The following SH3BP4 variants were observed in gnomAD, a reference collection of about 807,000 sequenced individuals.
The protein encoded by SH3BP4 is SH3 domain binding protein 4, also known as SH3 domain-binding protein 4.
In SH3BP4, 33 loss-of-function variants were observed where a neutral mutation model predicts 65.5. The observed-to-expected ratio is 0.50, with a 90% CI of 0.38 to 0.67. SH3BP4 has a LOEUF of 0.67. SH3BP4 is among the 30% of genes least tolerant of loss of function. SH3BP4 has a pLI of 0.00. For synonymous variants in SH3BP4, 552 were observed against 545.5 expected (o/e 1.01, Z -0.17); for missense variants, 1,134 against 1,261.4 (o/e 0.90, Z 1.53).
intron 2 of SH3BP4, among the ~76,000 whole-genome samples, chr2:234,996,262 T>A (rs1693916378): frequency 6.6e-6 from 1 of 152,198 alleles, no homozygotes; most frequent in African/African-American, 2.4e-5. Flanking sequence ...CACGTTGGAA[T>A]TTTAAAAGCC....
intron 4 of SH3BP4, among the ~76,000 whole-genome samples, chr2:235,051,259 T>C (rs1023875218): frequency 1.3e-5 from 2 of 150,764 alleles, no homozygotes; most frequent in African/African-American, 2.4e-5. Flanking sequence ...GTGGCAGTCA[T>C]GTGACTTGGC....
intron 1 of SH3BP4, among the ~76,000 whole-genome samples, chr2:234,980,422 T>G (rs1158501984): frequency 3.3e-5 from 5 of 152,218 alleles, no homozygotes; most frequent in Admixed American, 3.3e-4. Context: ...GCACCTGTTT[T>G]GGGACCACAG....
chr2:234,992,494 C>T (rs1693775782), intron 1 of SH3BP4, among the ~76,000 whole-genome samples: 1 of 152,126 alleles, frequency 6.6e-6, no homozygotes, highest in African/African-American at 2.4e-5. Flanking sequence ...GTCTGGAGCC[C>T]CTGGAGATGG....
rs1695131086 is a variant in SH3BP4, at chr2:235,030,051, C to T, written c.-132-4820C>T. Among the ~76,000 whole-genome samples, 1 of 152,174 alleles carries T rather than the reference C, an allele frequency of 6.6e-6. No homozygotes were observed. The highest frequency in any genetic ancestry group is 6.5e-5 in the Admixed American group (1 of 15,284). On this transcript the variant is annotated intron_variant, in intron 2 of 5. Transcript: ENST00000392011. This position sits in a 1 kb window ranked among gnomAD's most constrained non-coding sequence, Gnocchi z 4.1. The stretch of plus-strand genomic sequence containing the variant: ...AAGGGTTGAGATCGGCAATATGTAA[C>T]CCTGGAGGTACAGGTGGAGACTGAG...
At chr2:234,986,812 T>TA (rs113019360) in intron 1 of SH3BP4, among the ~76,000 whole-genome samples, 36,945 of 150,606 alleles carry the variant, frequency 0.25, 4,653 homozygotes, top group Admixed American at 0.33. Flanking sequence ...TGATTTTATT[T>TA]TTTTTTTTTT....
chr2:234,953,477 C>G (rs532348662), intron 1 of SH3BP4, among the ~76,000 whole-genome samples: 1 of 152,172 alleles, frequency 6.6e-6, no homozygotes, highest in Non-Finnish European at 1.5e-5. Flanking sequence ...AGTCCCCTTC[C>G]CAGTGGGCTG....
intron 2 of SH3BP4, among the ~76,000 whole-genome samples, chr2:235,002,351 T>C (rs1359106522): frequency 6.6e-6 from 1 of 152,224 alleles, no homozygotes; most frequent in Non-Finnish European, 1.5e-5. Flanking sequence ...CGTAATCTTC[T>C]GAAGGACAGG....
chr2:234,954,257 A>G (rs1437444218), intron 1 of SH3BP4, among the ~76,000 whole-genome samples: 1 of 152,116 alleles, frequency 6.6e-6, no homozygotes, highest in Admixed American at 6.5e-5. Flanking sequence ...CTGGGTACCA[A>G]AGGCCCAGGT....
intron 2 of SH3BP4, among the ~76,000 whole-genome samples, chr2:235,024,657 A>G (rs989133644): frequency 6.6e-6 from 1 of 152,144 alleles, no homozygotes; most frequent in African/African-American, 2.4e-5. Flanking sequence ...TGTAAGATGT[A>G]TGTGTGGGGC....
chr2:234,953,208 A>G (rs991108581), intron 1 of SH3BP4: 1 of 152,278 alleles, frequency 6.6e-6, no homozygotes, highest in African/African-American at 2.4e-5. Context: ...TTACAGAAAC[A>G]ATGTATGCTC....
At position 234,976,127 on chromosome 2, in the gene SH3BP4, C is replaced by T. The variant is rs1693160553; in HGVS notation, c.-206-19176C>T. On this transcript the variant is annotated intron_variant, in intron 1 of 5. Transcript: ENST00000392011. This position sits in a 1 kb window ranked among gnomAD's most constrained non-coding sequence, Gnocchi z 4.7. ...TGGTTGTATCTTCTAGGGACAGGGG[C>T]CCTGGCTTTCATCTAGTGACCCCTG... Among the ~76,000 whole-genome samples, 1 of 152,130 alleles carries T rather than the reference C, an allele frequency of 6.6e-6. No homozygotes were observed. Among genetic ancestry groups the T allele is most frequent in the Middle Eastern group, 3.2e-3 (1 of 316 alleles).
At chr2:235,049,225 C>G (rs1002193904) in intron 4 of SH3BP4, among the ~76,000 whole-genome samples, 3 of 152,160 alleles carry the variant, frequency 2.0e-5, no homozygotes, top group African/African-American at 7.2e-5. Context: ...GCTCTCCTTC[C>G]CAGGGGCCAG....
chr2:235,031,363 G>A (rs1695196544), intron 2 of SH3BP4, among the ~76,000 whole-genome samples: 1 of 152,190 alleles, frequency 6.6e-6, no homozygotes, highest in Admixed American at 6.5e-5. Flanking sequence ...ACACACTGGT[G>A]CATCTCCAGA....
rs1694996880 is a variant in SH3BP4 at position 235,026,221 on chromosome 2, C to T, written c.-132-8650C>T. 6.6e-6 allele frequency among the ~76,000 whole-genome samples: 1 copy of T among 152,148 alleles called. No homozygotes were observed. The highest frequency in any genetic ancestry group is 1.5e-5 in the Non-Finnish European group (1 of 68,016). ...AGGGATTCACACGCCCTCCCCTCCT[C>T]TTCCTGACCTGTCGGGGGATCCCCA... On this transcript the variant is annotated intron_variant, in intron 2 of 5. Coordinates refer to ENST00000392011, the MANE Select transcript of SH3BP4 (RefSeq NM_014521.3). The surrounding 1 kb of genome is among the most constrained non-coding windows in gnomAD (Gnocchi z 4.6).
chr2:235,006,313 G>A (rs1194072485), intron 2 of SH3BP4, among the ~76,000 whole-genome samples: 4 of 152,144 alleles, frequency 2.6e-5, no homozygotes, highest in South Asian at 2.1e-4. Context: ...ATCTCAGAGC[G>A]GCCACTTGCT....
intron 2 of SH3BP4, among the ~76,000 whole-genome samples, chr2:235,031,027 TG>T (rs1695177043): frequency 6.6e-6 from 1 of 152,100 alleles, no homozygotes; most frequent in African/African-American, 2.4e-5. Flanking sequence ...GCTGTCAGTC[TG>T]GGGATTTACA....
chr2:234,955,270 C>T (rs1392238436), intron 1 of SH3BP4, among the ~76,000 whole-genome samples: 5 of 152,130 alleles, frequency 3.3e-5, no homozygotes, highest in East Asian at 1.9e-4. Flanking sequence ...GGCCAAGCAA[C>T]GTTTACACTC....
rs968860897 is a variant in SH3BP4, at chr2:235,055,472, A to T, written c.*1656A>T. On this transcript the variant is annotated 3_prime_UTR_variant, in exon 6 of 6. Coordinates refer to ENST00000392011, the MANE Select transcript of SH3BP4 (RefSeq NM_014521.3). The stretch of plus-strand genomic sequence containing the variant: ...CGATTGTGCTTCTCAACTCCACCCC[A>T]TAATTTCTCCCAGAGACCATCTATC... The T allele has an allele frequency of 6.6e-6, 1 of 152,626 alleles. No individual in the cohort carries two copies. Among genetic ancestry groups the T allele is most frequent in the Non-Finnish European group, 1.5e-5 (1 of 68,034 alleles). The allele number at this position is 152,626 out of a possible 1,614,324, so 9.5% of individuals were successfully genotyped here.
chr2:235,042,364 C>T lies in SH3BP4; in HGVS notation c.1595C>T (p.Ser532Phe). The T allele has an allele frequency of 6.2e-7, 1 of 1,614,170 alleles. No homozygotes were observed. The change falls in exon 4 of 6, where the codon TCC becomes TTC. Residue 532 changes from serine to phenylalanine, a missense_variant. Physicochemically the swap from Ser to Phe is radical, Grantham distance 155. Transcript: ENST00000392011. This position sits in a 1 kb window ranked among gnomAD's most constrained non-coding sequence, Gnocchi z 7.3. ...QLWGKHQFVL[S>F]RPQDLKVCMF... ...TGGGGGAAGCACCAGTTCGTTTTGT[C>T]CAGGCCCCAGGATCTCAAGGTCTGT...
Sources: allele counts gnomAD v4.1 joint callset (sites outside exome capture counted in the v4.1 genomes callset), GRCh38; gene constraint gnomAD v4.1.1; non-coding constraint Gnocchi (gnomAD v3.1); transcripts MANE v1.5; gene names NCBI Gene and HGNC (gene_info 2026-07-23, HGNC 2026-07-21).